BABAM2: variants seen among roughly 807,000 people sequenced by gnomAD.
BABAM2 encodes BRISC and BRCA1-A complex member 2.
BABAM2 carries 31 observed loss-of-function variants against 54.7 expected under a neutral mutation model. The ratio of observed to expected loss-of-function variants is 0.57; its 90% confidence interval spans 0.43 to 0.77. The LOEUF (loss-of-function observed/expected upper bound fraction) is 0.77, where lower values mean the gene tolerates loss of function less well. BABAM2 is among the 30% of genes least tolerant of loss of function. The pLI is 0.00. For missense variants in BABAM2, 364 were observed against 455.8 expected, an observed-to-expected ratio of 0.80 and a Z score of 1.83; for synonymous variants, 167 against 162.9, an observed-to-expected ratio of 1.03 and a Z score of -0.19.
At chr2:28,276,601 C>T (rs1213850325) in intron 10 of BABAM2, among the ~76,000 whole-genome samples, 1 of 152,198 alleles carries the variant, frequency 6.6e-6, no homozygotes, top group Non-Finnish European at 1.5e-5. Flanking sequence ...GTGTTTGGCT[C>T]ACAACCCAAG....
At chr2:27,893,700 G>A (rs760529137) in intron 1 of BABAM2, among the ~76,000 whole-genome samples, 1 of 152,114 alleles carries the variant, frequency 6.6e-6, no homozygotes, top group South Asian at 2.1e-4. Context: ...ATTAAGAAAG[G>A]TGTATCAGCA....
At chr2:28,101,299 A>C (rs988583128) in intron 6 of BABAM2, among the ~76,000 whole-genome samples, 2 of 152,168 alleles carry the variant, frequency 1.3e-5, no homozygotes, top group Non-Finnish European at 2.9e-5. Flanking sequence ...CACATGATTC[A>C]AACAGCTGAC....
chr2:28,182,956 T>TA (rs1373035061), intron 7 of BABAM2, among the ~76,000 whole-genome samples: 1 of 152,196 alleles, frequency 6.6e-6, no homozygotes, highest in African/African-American at 2.4e-5. Context: ...CCCTTCCACT[T>TA]ACTTTACAAG....
chr2:27,987,001 G>A (rs891824872), intron 3 of BABAM2, among the ~76,000 whole-genome samples: 1 of 152,140 alleles, frequency 6.6e-6, no homozygotes, highest in Non-Finnish European at 1.5e-5. Flanking sequence ...TTGCTAATGA[G>A]ACTTTGTAAA....
At chr2:28,096,429 C>T (rs13395259) in intron 6 of BABAM2, among the ~76,000 whole-genome samples, 69,826 of 151,166 alleles carry the variant, frequency 0.46, 17,085 homozygotes, top group African/African-American at 0.61. Context: ...AAGGACAGCT[C>T]TCTCATCTTA....
chr2:28,104,222 C>T (rs887448027), intron 6 of BABAM2, among the ~76,000 whole-genome samples: 1 of 152,138 alleles, frequency 6.6e-6, no homozygotes, highest in South Asian at 2.1e-4. Flanking sequence ...AGCTTCTGCA[C>T]AGCAAAAGAA....
At chr2:28,258,631 T>TTTTTTTTTTTA (rs1684194708) in intron 10 of BABAM2, among the ~76,000 whole-genome samples, 1 of 147,834 alleles carries the variant, frequency 6.8e-6, no homozygotes, top group African/African-American at 2.5e-5. Context: ...TTTTTTTTTT[T>TTTTTTTTTTTA]GAGACAGGAT....
At chr2:28,129,718 G>A (rs1669864870) in intron 7 of BABAM2, among the ~76,000 whole-genome samples, 1 of 152,108 alleles carries the variant, frequency 6.6e-6, no homozygotes, top group South Asian at 2.1e-4. Context: ...CTAAACATCT[G>A]GCCCAATTTC....
At chr2:28,296,449 A>G (rs1022995867) in intron 10 of BABAM2, among the ~76,000 whole-genome samples, 8 of 151,430 alleles carry the variant, frequency 5.3e-5, no homozygotes, top group African/African-American at 1.5e-4. Context: ...ATCTGTAGAA[A>G]CCCCCTGCAG....
At chr2:28,066,185 A>G (rs1308327542) in intron 6 of BABAM2, among the ~76,000 whole-genome samples, 1 of 151,088 alleles carries the variant, frequency 6.6e-6, no homozygotes, top group African/African-American at 2.4e-5. Context: ...AAATAAATAA[A>G]AAATAAAAAA....
chr2:28,075,408 G>A (rs1424490962), intron 6 of BABAM2, among the ~76,000 whole-genome samples: 1 of 152,084 alleles, frequency 6.6e-6, no homozygotes, highest in African/African-American at 2.4e-5. Context: ...GTAAACAGTG[G>A]CTCCCAATAC....
intron 11 of BABAM2, among the ~76,000 whole-genome samples, chr2:28,320,166 C>T (rs1271933165): frequency 1.3e-5 from 2 of 152,226 alleles, no homozygotes; most frequent in African/African-American, 4.8e-5. Flanking sequence ...CAGCGGTTCC[C>T]AGCAGCTCAG....
intron 3 of BABAM2, among the ~76,000 whole-genome samples, chr2:27,974,368 A>G (rs747084158): frequency 3.3e-5 from 5 of 152,166 alleles, no homozygotes; most frequent in Admixed American, 2.0e-4. Flanking sequence ...TATACAACAT[A>G]CATTATCTAT....
chr2:27,942,619 C>T (rs894999789), intron 3 of BABAM2, among the ~76,000 whole-genome samples: 1 of 151,524 alleles, frequency 6.6e-6, no homozygotes, highest in Non-Finnish European at 1.5e-5. Context: ...CCATCTGCCT[C>T]AGCCTCCTGA....
At position 27,929,968 on chromosome 2, in the gene BABAM2, T is replaced by A. The variant is rs189733649; in HGVS notation, c.205+60T>A. ...GGTTACAGTGTCAGCTATTGGACTTTGTGCTTTAGTTTTCATTTCCGGCTG... is the reference window on the plus strand; with the variant it reads ...GGTTACAGTGTCAGCTATTGGACTTAGTGCTTTAGTTTTCATTTCCGGCTG... On this transcript the variant is annotated intron_variant, in intron 3 of 11. Transcript: ENST00000379624. 3.4e-5 allele frequency: 51 copies of A among 1,482,118 alleles called. No homozygotes were observed. In the East Asian group the frequency reaches 1.2e-3, roughly 34 times the overall value. 91.8% of individuals were successfully genotyped at this position (1,482,118 alleles called of 1,614,324 possible). A position where few individuals can be genotyped will look rare whatever the true frequency, so the allele number is the denominator to read the frequency against.
intron 2 of BABAM2, chr2:27,894,902 T>C: frequency 2.0e-6 from 1 of 488,998 alleles, no homozygotes. Flanking sequence ...ATGACTAGAA[T>C]GTTCATGTCT....
intron 7 of BABAM2, among the ~76,000 whole-genome samples, chr2:28,205,298 A>G (rs1189215106): frequency 3.3e-5 from 5 of 151,980 alleles, no homozygotes; most frequent in African/African-American, 1.2e-4. Flanking sequence ...TAAAGAGATC[A>G]AGACCATCCT....
At chr2:27,933,748 C>A (rs1668275643) in intron 3 of BABAM2, among the ~76,000 whole-genome samples, 1 of 151,214 alleles carries the variant, frequency 6.6e-6, no homozygotes, top group East Asian at 1.9e-4. Context: ...CAGGCGTGAG[C>A]CACTATGCCT....
At chr2:28,160,952 T>C (rs953659843) in intron 7 of BABAM2, among the ~76,000 whole-genome samples, 18 of 152,198 alleles carry the variant, frequency 1.2e-4, no homozygotes, top group Non-Finnish European at 2.4e-4. Context: ...GAATCATTTA[T>C]TCAAATTTTC....
Sources: allele counts gnomAD v4.1 joint callset (sites outside exome capture counted in the v4.1 genomes callset), GRCh38; gene constraint gnomAD v4.1.1; transcripts MANE v1.5; gene names NCBI Gene and HGNC (gene_info 2026-07-23, HGNC 2026-07-21).